Variants in KLRG1 observed in about 807,000 individuals in gnomAD.
KLRG1 encodes the protein killer cell lectin like receptor G1, also known as killer cell lectin-like receptor subfamily G member 1.
A neutral mutation model predicts 21.8 loss-of-function variants in KLRG1; 16 were observed. The observed-to-expected ratio is 0.73, with a 90% CI of 0.50 to 1.11. The LOEUF (loss-of-function observed/expected upper bound fraction) is 1.11. Ranked by LOEUF, KLRG1 falls within the 50% of genes most tolerant of loss-of-function variation. The pLI, the probability that KLRG1 is intolerant of heterozygous loss-of-function variation, is 0.00. For synonymous variants in KLRG1, 69 were observed against 75.9 expected (o/e 0.91, Z 0.47); for missense variants, 173 against 218.3 (o/e 0.79, Z 1.31).
At chr12:9,182,125 A>G in the KLRG1 span, 11 of 852,714 alleles carry the variant, frequency 1.3e-5, no homozygotes, top group East Asian at 1.1e-4. Flanking sequence ...TCACTGGAAC[A>G]TGGAGAGAGT....
At chr12:9,201,492 G>T in the KLRG1 span, 1 of 601,874 alleles carries the variant, frequency 1.7e-6, no homozygotes, top group East Asian at 2.7e-5. Context: ...AAAAATCTCA[G>T]GGAAATTATT....
intron 1 of KLRG1, among the ~76,000 whole-genome samples, chr12:8,955,798 T>A (rs1946281989): frequency 6.6e-6 from 1 of 152,006 alleles, no homozygotes; most frequent in South Asian, 2.1e-4. Flanking sequence ...AATTCCTAGG[T>A]AGATACGGGC....
chr12:9,038,633 A>G, the KLRG1 span, among the ~76,000 whole-genome samples: 1 of 152,182 alleles, frequency 6.6e-6, no homozygotes, highest in African/African-American at 2.4e-5. Flanking sequence ...GCCAGAGAAC[A>G]ATAGTACCAG....
chr12:9,120,491 C>A, the KLRG1 span, among the ~76,000 whole-genome samples: 1 of 152,132 alleles, frequency 6.6e-6, no homozygotes, highest in Non-Finnish European at 1.5e-5. Context: ...TGGGCCTTAA[C>A]AAAAATAAAT....
the KLRG1 span, among the ~76,000 whole-genome samples, chr12:9,139,769 G>C: frequency 1.8e-3 from 267 of 152,288 alleles, no homozygotes; most frequent in African/African-American, 6.3e-3. Context: ...GTTAAAGAAA[G>C]AGGAAAGAAA....
At chr12:9,078,139 T>C in the KLRG1 span, among the ~76,000 whole-genome samples, 1 of 152,182 alleles carries the variant, frequency 6.6e-6, no homozygotes, top group East Asian at 1.9e-4. Context: ...AGTATACGTG[T>C]GCCATGGTGG....
the KLRG1 span, among the ~76,000 whole-genome samples, chr12:9,024,985 A>C: frequency 1.3e-5 from 2 of 152,312 alleles, no homozygotes; most frequent in South Asian, 4.1e-4. Flanking sequence ...GTAAAAGCTA[A>C]AGAAGAAGTG....
chr12:9,113,217 T>A, the KLRG1 span: 1 of 799,308 alleles, frequency 1.3e-6, no homozygotes, highest in Non-Finnish European at 1.9e-6. Flanking sequence ...GCATTGCTCC[T>A]TAATTTCTAT....
the KLRG1 span, among the ~76,000 whole-genome samples, chr12:9,213,926 A>G: frequency 6.6e-6 from 1 of 151,994 alleles, no homozygotes; most frequent in Non-Finnish European, 1.5e-5. Flanking sequence ...AAGGATTTAT[A>G]CCTATGTCTC....
At chr12:9,127,387 A>T in the KLRG1 span, among the ~76,000 whole-genome samples, 1 of 152,188 alleles carries the variant, frequency 6.6e-6, no homozygotes, top group East Asian at 1.9e-4. Context: ...GTGTTTTATC[A>T]GCCCTTTTTT....
the KLRG1 span, among the ~76,000 whole-genome samples, chr12:9,099,857 A>G: frequency 1.3e-5 from 2 of 152,224 alleles, no homozygotes; most frequent in East Asian, 3.8e-4. Context: ...TAAGAGTTCA[A>G]CACATTGTAT....
At chr12:9,053,835 A>T in the KLRG1 span, among the ~76,000 whole-genome samples, 1 of 152,194 alleles carries the variant, frequency 6.6e-6, no homozygotes, top group African/African-American at 2.4e-5. Context: ...CTGCATACTA[A>T]TGAAACTACT....
the KLRG1 span, among the ~76,000 whole-genome samples, chr12:9,033,719 A>T: frequency 6.6e-6 from 1 of 152,228 alleles, no homozygotes; most frequent in Admixed American, 6.5e-5. Context: ...AGTGGTGAGA[A>T]GTTAGCAGAA....
At chr12:9,098,566 G>A in the KLRG1 span, 1 of 1,562,286 alleles carries the variant, frequency 6.4e-7, no homozygotes, top group Non-Finnish European at 8.7e-7. Flanking sequence ...CTGAGCCCCT[G>A]GCACGGCCCT....
At chr12:9,196,335 C>T in the KLRG1 span, 1 of 1,604,686 alleles carries the variant, frequency 6.2e-7, no homozygotes, top group Non-Finnish European at 8.5e-7. Flanking sequence ...CTTACCTGTG[C>T]AAAAAAGGGG....
chr12:9,161,708 T>C, the KLRG1 span, among the ~76,000 whole-genome samples: 1 of 152,234 alleles, frequency 6.6e-6, no homozygotes, highest in African/African-American at 2.4e-5. Context: ...AAATTAGTCC[T>C]TCTCAAATGA....
the KLRG1 span, among the ~76,000 whole-genome samples, chr12:9,125,390 C>T: frequency 6.6e-6 from 1 of 152,176 alleles, no homozygotes; most frequent in Non-Finnish European, 1.5e-5. Context: ...AGCTTGTCGC[C>T]AGCCGCAGAA....
At chr12:9,017,264 C>CAAAAAAAAAAAAAAAAA in the KLRG1 span, among the ~76,000 whole-genome samples, 2 of 53,130 alleles carry the variant, frequency 3.8e-5, no homozygotes, top group Non-Finnish European at 3.2e-5. Flanking sequence ...AACTCCATCT[C>CAAAAAAAAAAAAAAAAA]AAAAAAAAAA....
the KLRG1 span, chr12:9,196,624 G>C: frequency 6.2e-7 from 1 of 1,613,748 alleles, no homozygotes; most frequent in South Asian, 1.1e-5. Flanking sequence ...TTCAAAGCCC[G>C]TATTTGTAAT....
Sources: allele counts gnomAD v4.1 joint callset (sites outside exome capture counted in the v4.1 genomes callset), GRCh38; gene constraint gnomAD v4.1.1; transcripts MANE v1.5; gene names NCBI Gene and HGNC (gene_info 2026-07-23, HGNC 2026-07-21).